The following RMST variants were observed in gnomAD, a reference collection of about 807,000 sequenced individuals.
The protein encoded by RMST is long intergenic non-protein coding RNA 54.
chr12:97,536,906 A>G (rs1212264925), intron 11 of RMST, among the ~76,000 whole-genome samples: 1 of 151,506 alleles, frequency 6.6e-6, no homozygotes, highest in Admixed American at 6.6e-5. Context: ...TTACTTCACA[A>G]CAATGAAACT....
intron 11 of RMST, among the ~76,000 whole-genome samples, chr12:97,558,173 T>C (rs1173793241): frequency 1.3e-5 from 2 of 152,164 alleles, no homozygotes; most frequent in African/African-American, 4.8e-5. Context: ...TGTGGCCAGG[T>C]TGTTAAAGCA....
chr12:97,512,390 G>C (rs570875438), intron 10 of RMST, among the ~76,000 whole-genome samples: 5 of 152,178 alleles, frequency 3.3e-5, no homozygotes, highest in Non-Finnish European at 7.3e-5. Context: ...GGTTAACACT[G>C]CTGGCTCCGG....
chr12:97,483,651 T>C (rs1481974868), intron 5 of RMST, among the ~76,000 whole-genome samples: 1 of 152,218 alleles, frequency 6.6e-6, no homozygotes, highest in Non-Finnish European at 1.5e-5. Context: ...TATATCTCCT[T>C]TGTTTCTTTA....
intron 5 of RMST, among the ~76,000 whole-genome samples, chr12:97,482,052 T>C (rs1012791219): frequency 1.3e-5 from 2 of 152,226 alleles, no homozygotes; most frequent in African/African-American, 4.8e-5. Context: ...TCTCTTTTTG[T>C]TCCTCCTAAT....
At chr12:97,491,855 T>C (rs1829108632) in intron 5 of RMST, 1 of 497,314 alleles carries the variant, frequency 2.0e-6, no homozygotes, top group Non-Finnish European at 4.3e-6. Context: ...GTAATTTCAT[T>C]GCACTGTGTA....
intron 10 of RMST, among the ~76,000 whole-genome samples, chr12:97,503,099 C>T (rs1178203348): frequency 6.6e-6 from 1 of 152,118 alleles, no homozygotes; most frequent in African/African-American, 2.4e-5. Context: ...CATATCTCTC[C>T]ACTGCCTGTC....
intron 11 of RMST, among the ~76,000 whole-genome samples, chr12:97,540,228 T>C (rs1032305806): frequency 1.3e-5 from 2 of 151,652 alleles, no homozygotes; most frequent in Non-Finnish European, 3.0e-5. Flanking sequence ...ACTTGAAGTC[T>C]AAGAGAGTGA....
chr12:97,507,464 T>C (rs1334578803), intron 10 of RMST, among the ~76,000 whole-genome samples: 3 of 152,098 alleles, frequency 2.0e-5, no homozygotes, highest in Non-Finnish European at 2.9e-5. Context: ...ATAAACATTT[T>C]TGAGTTAGTA....
Position 97,495,586 on chromosome 12 carries a change from A to G in RMST, n.1215-345A>G, listed in dbSNP as rs530764040. Among the ~76,000 whole-genome samples, 3 of 152,260 alleles carry G rather than the reference A, an allele frequency of 2.0e-5. No homozygotes were observed. The East Asian group carries it at 5.8e-4, about 29-fold the overall frequency. Reference sequence around the variant, plus strand: ...CACTGCTACCCTGTATACTATACTAAAATCCCTCATAATATATAAAATATA... The same window carrying G: ...CACTGCTACCCTGTATACTATACTAGAATCCCTCATAATATATAAAATATA... On this transcript the variant is annotated intron_variant and non_coding_transcript_variant, in intron 9 of 13. Coordinates refer to ENST00000640149, the Ensembl canonical transcript of RMST.
intron 5 of RMST, among the ~76,000 whole-genome samples, chr12:97,470,781 A>G (rs1169214166): frequency 6.6e-6 from 1 of 151,858 alleles, no homozygotes; most frequent in Non-Finnish European, 1.5e-5. Context: ...CTAAGTGATT[A>G]TTTTTCTGTT....
chr12:97,463,562 T>A (rs1448049124), intron 4 of RMST, among the ~76,000 whole-genome samples: 1 of 152,186 alleles, frequency 6.6e-6, no homozygotes, highest in Non-Finnish European at 1.5e-5. Context: ...AAATTCTGTT[T>A]GATGATAGTT....
chr12:97,510,013 A>G (rs1006239312), intron 10 of RMST, among the ~76,000 whole-genome samples: 1 of 152,226 alleles, frequency 6.6e-6, no homozygotes, highest in African/African-American at 2.4e-5. Flanking sequence ...TGTTTGACAC[A>G]TAGAGGGTGG....
chr12:97,483,955 C>T (rs1875769398), intron 5 of RMST, among the ~76,000 whole-genome samples: 1 of 152,116 alleles, frequency 6.6e-6, no homozygotes, highest in South Asian at 2.1e-4. Context: ...CTTTATATAA[C>T]CATTTTATAC....
intron 5 of RMST, among the ~76,000 whole-genome samples, chr12:97,474,952 A>G (rs924945699): frequency 6.6e-6 from 1 of 152,292 alleles, no homozygotes; most frequent in Non-Finnish European, 1.5e-5. Flanking sequence ...TTTAACTTTG[A>G]CATAAATTGC....
At chr12:97,466,905 T>C (rs556706697) in intron 5 of RMST, among the ~76,000 whole-genome samples, 1 of 152,190 alleles carries the variant, frequency 6.6e-6, no homozygotes, top group African/African-American at 2.4e-5. Flanking sequence ...TATTTCCAGA[T>C]TGCGCCTACT....
intron 11 of RMST, among the ~76,000 whole-genome samples, chr12:97,544,703 A>G (rs1398032326): frequency 2.0e-5 from 3 of 152,056 alleles, no homozygotes; most frequent in African/African-American, 4.8e-5. Flanking sequence ...TTTCTCTGCA[A>G]TCTACTCCAA....
At chr12:97,503,985 G>T (rs1455981712) in intron 10 of RMST, among the ~76,000 whole-genome samples, 1 of 152,118 alleles carries the variant, frequency 6.6e-6, no homozygotes, top group Non-Finnish European at 1.5e-5. Flanking sequence ...GAGAGCAATG[G>T]TCCCATCTCA....
intron 10 of RMST, among the ~76,000 whole-genome samples, chr12:97,524,099 A>T (rs1388997718): frequency 1.3e-5 from 2 of 148,656 alleles, no homozygotes; most frequent in African/African-American, 4.9e-5. Context: ...AAAAAAAAAA[A>T]AAAATCACAT....
At chr12:97,492,076 G>A in intron 5 of RMST, 2 of 456,444 alleles carry the variant, frequency 4.4e-6, no homozygotes, top group Non-Finnish European at 9.5e-6. Flanking sequence ...TGGTTAAGAT[G>A]CCTGCCTTTT....
Sources: gnomAD v4.1 joint callset for allele counts (sites outside exome capture counted in the v4.1 genomes callset) on GRCh38, gnomAD v4.1.1 for gene constraint, MANE v1.5 for transcripts, NCBI Gene and HGNC (gene_info 2026-07-23, HGNC 2026-07-21) for gene names.